The following TMEM74 variants were observed in gnomAD, a reference collection of about 807,000 sequenced individuals.
TMEM74 encodes transmembrane protein 74.
Under a neutral mutation model 18.1 loss-of-function variants are expected in TMEM74, and 13 were observed. The ratio of observed to expected loss-of-function variants is 0.72; its 90% CI spans 0.47 to 1.14. The LOEUF (loss-of-function observed/expected upper bound fraction) is 1.14. Ranked by LOEUF, TMEM74 falls within the 50% of genes most tolerant of loss-of-function variation. The pLI, the probability that TMEM74 is intolerant of heterozygous loss-of-function variation, is 0.00. For synonymous variants in TMEM74, 159 were observed against 146.6 expected (o/e 1.08, Z -0.61); for missense variants, 372 against 375.9 (o/e 0.99, Z 0.09).
rs566048863 is a variant in TMEM74, at chr8:108,724,710, T to G, written n.119+62766A>C. Among the ~76,000 whole-genome samples, 3 of 152,260 alleles carry G rather than the reference T, an allele frequency of 2.0e-5. No homozygotes were observed. The East Asian group carries it at 5.8e-4, about 29-fold the overall frequency. On this transcript the variant is annotated intron_variant and non_coding_transcript_variant, in intron 1 of 3. Coordinates refer to the TMEM74 transcript ENST00000518838. ...AGACTAAAGCACCTCACTATGCATA[T>G]CCAGGGAAATCTTAGGTACAGAGAG... is the stretch of plus-strand genomic sequence containing the variant.
intron 1 of TMEM74, among the ~76,000 whole-genome samples, chr8:108,699,145 TTTCCTTCCTTCCTTCC>T (rs150848011): frequency 0.3 from 20,314 of 68,298 alleles, 2,913 homozygotes; most frequent in South Asian, 0.33. Context: ...CCCTCCCTCT[TTTCCTTCCTTCCTTCC>T]TTCCTTCCTT....
At chr8:108,672,881 A>G (rs1393541550) in intron 1 of TMEM74, among the ~76,000 whole-genome samples, 1 of 152,228 alleles carries the variant, frequency 6.6e-6, no homozygotes, top group Non-Finnish European at 1.5e-5. Flanking sequence ...AAGAATGAGC[A>G]GGATGGGAAT....
chr8:108,681,292 C>G (rs1241858444), intron 1 of TMEM74, among the ~76,000 whole-genome samples: 1 of 152,144 alleles, frequency 6.6e-6, no homozygotes, highest in Non-Finnish European at 1.5e-5. Flanking sequence ...GTAACCAAAA[C>G]AGCATGGTAC....
At chr8:108,745,065 T>C (rs1813836313) in intron 1 of TMEM74, among the ~76,000 whole-genome samples, 1 of 152,170 alleles carries the variant, frequency 6.6e-6, no homozygotes, top group Admixed American at 6.5e-5. Context: ...TGGAAAGATA[T>C]TCCATTTGAA....
At chr8:108,655,130 A>G (rs1051144945) in intron 2 of TMEM74, among the ~76,000 whole-genome samples, 3 of 152,172 alleles carry the variant, frequency 2.0e-5, no homozygotes, top group Non-Finnish European at 2.9e-5. Context: ...GTGGAAAGCT[A>G]CATTTCATAA....
At chr8:108,750,588 C>T (rs1291529989) in intron 1 of TMEM74, among the ~76,000 whole-genome samples, 3 of 152,046 alleles carry the variant, frequency 2.0e-5, no homozygotes, top group Admixed American at 1.3e-4. Context: ...TACACTAAAG[C>T]GTTAATTGAA....
intron 1 of TMEM74, among the ~76,000 whole-genome samples, chr8:108,749,134 T>C (rs1318036863): frequency 6.6e-6 from 1 of 151,588 alleles, no homozygotes; most frequent in Admixed American, 6.6e-5. Flanking sequence ...GGGCTCTTTT[T>C]TGGTTCCATG....
intron 2 of TMEM74, among the ~76,000 whole-genome samples, chr8:108,644,521 C>T (rs891925287): frequency 2.0e-5 from 3 of 152,026 alleles, no homozygotes; most frequent in Non-Finnish European, 2.9e-5. Flanking sequence ...TAAACAAAAG[C>T]GCTTCTGCAC....
intron 1 of TMEM74, among the ~76,000 whole-genome samples, chr8:108,690,833 AAATAAT>A (rs754928606): frequency 6.6e-6 from 1 of 151,872 alleles, no homozygotes; most frequent in Non-Finnish European, 1.5e-5. Context: ...AAAAAATAAA[AAATAAT>A]AATAATAATA....
chr8:108,660,668 G>A (rs1357025792), intron 1 of TMEM74, among the ~76,000 whole-genome samples: 1 of 152,138 alleles, frequency 6.6e-6, no homozygotes, highest in Non-Finnish European at 1.5e-5. Context: ...CAGAGAGCTT[G>A]TCTATAAAAT....
At chr8:108,751,012 C>G (rs574383217) in intron 1 of TMEM74, among the ~76,000 whole-genome samples, 1 of 152,216 alleles carries the variant, frequency 6.6e-6, no homozygotes, top group Non-Finnish European at 1.5e-5. Context: ...TCTGAGGAGG[C>G]AAATTGAGAT....
rs545870521 is a variant in TMEM74, at chr8:108,693,483, T to G, written n.120-38046A>C. On this transcript the variant is annotated intron_variant and non_coding_transcript_variant, in intron 1 of 3. Coordinates refer to the TMEM74 transcript ENST00000518838. ...AACTGATGTCTCTAAAGTCACTCCA[T>G]GATGAAAGGGCAAAAACGGATGAGT... Among the ~76,000 whole-genome samples the G allele has an allele frequency of 1.3e-5, 2 of 152,246 alleles. 1 individual carries two copies. The highest frequency in any genetic ancestry group is 4.8e-5 in the African/African-American group (2 of 41,570).
chr8:108,674,757 T>A (rs558551022), intron 1 of TMEM74, among the ~76,000 whole-genome samples: 400 of 152,314 alleles, frequency 2.6e-3, no homozygotes, highest in Non-Finnish European at 4.5e-3. Context: ...AACTCCAGAA[T>A]GGCACCACTC....
At chr8:108,698,874 A>T (rs1329783828) in intron 1 of TMEM74, among the ~76,000 whole-genome samples, 1 of 152,178 alleles carries the variant, frequency 6.6e-6, no homozygotes, top group Admixed American at 6.5e-5. Flanking sequence ...TGCCTAAAGT[A>T]GCCTCATTCT....
chr8:108,737,593 C>T (rs562434595), intron 1 of TMEM74, among the ~76,000 whole-genome samples: 1 of 152,220 alleles, frequency 6.6e-6, no homozygotes, highest in South Asian at 2.1e-4. Flanking sequence ...CAGAAAGACA[C>T]TAAGTCATAC....
intron 1 of TMEM74, among the ~76,000 whole-genome samples, chr8:108,765,898 T>C (rs970789422): frequency 6.8e-6 from 1 of 146,806 alleles, no homozygotes; most frequent in Non-Finnish European, 1.5e-5. Flanking sequence ...TTTTTCTTAT[T>C]GGGGGAGGCT....
At chr8:108,652,594 A>G in intron 2 of TMEM74, 1 of 621,680 alleles carries the variant, frequency 1.6e-6, no homozygotes, top group Non-Finnish European at 3.0e-6. Flanking sequence ...GAGAAAACAG[A>G]GACACTGGGA....
At chr8:108,644,753 C>T (rs765517368) in intron 2 of TMEM74, among the ~76,000 whole-genome samples, 5 of 152,038 alleles carry the variant, frequency 3.3e-5, no homozygotes, top group Non-Finnish European at 5.9e-5. Context: ...GAAAAAAATG[C>T]TGTAAATCAC....
intron 1 of TMEM74, among the ~76,000 whole-genome samples, chr8:108,760,451 C>T (rs1279035009): frequency 6.6e-6 from 1 of 151,974 alleles, no homozygotes; most frequent in Non-Finnish European, 1.5e-5. Context: ...CAGAGCTTGA[C>T]GATTATTAGC....
Sources: gnomAD v4.1 joint callset for allele counts (sites outside exome capture counted in the v4.1 genomes callset) on GRCh38, gnomAD v4.1.1 for gene constraint, MANE v1.5 for transcripts, NCBI Gene and HGNC (gene_info 2026-07-23, HGNC 2026-07-21) for gene names.